Variants in PCTP observed in about 807,000 individuals in gnomAD.
PCTP encodes the protein phosphatidylcholine transfer protein, also known as START domain-containing protein 2.
A neutral mutation model predicts 31.0 loss-of-function variants in PCTP; 27 were observed. That is an observed-to-expected ratio of 0.87 (90% confidence interval 0.64 to 1.20). The LOEUF is 1.20. PCTP is among the 50% of genes most tolerant of loss of function. PCTP has a pLI of 0.00. For missense variants in PCTP, 287 were observed against 268.2 expected (o/e 1.07, Z -0.49); for synonymous variants, 108 against 101.2 (o/e 1.07, Z -0.40).
At chr17:55,786,918 T>G (rs1911767726) in intron 2 of PCTP, among the ~76,000 whole-genome samples, 1 of 152,108 alleles carries the variant, frequency 6.6e-6, no homozygotes, top group Non-Finnish European at 1.5e-5. Context: ...AATTACCCCA[T>G]CTTTCTGTCT....
intron 1 of PCTP, 73 bp downstream of exon 1, chr17:55,751,317 G>A (rs111819298): frequency 0.058 from 87,512 of 1,516,208 alleles, 2,677 homozygotes; most frequent in Admixed American, 0.068. Context: ...GGGAGTGCGG[G>A]GCGGCAGTCG....
chr17:55,758,618 A>C lies in PCTP; in HGVS notation c.141+7374A>C, dbSNP rs1327407947. Among the ~76,000 whole-genome samples, 3 of 152,296 alleles carry C rather than the reference A, an allele frequency of 2.0e-5. No homozygotes were observed. In the East Asian group the frequency reaches 5.8e-4, roughly 29 times the overall value. On this transcript the variant is annotated intron_variant, in intron 1 of 5. Coordinates refer to ENST00000268896, the MANE Select transcript of PCTP (RefSeq NM_021213.4). ...AATCATTCTTGAGCCCTGGTCACTTATGGAGCTGAAATTTACTTGTGGGCA... is the reference window on the plus strand; with the variant it reads ...AATCATTCTTGAGCCCTGGTCACTTCTGGAGCTGAAATTTACTTGTGGGCA...
At chr17:55,814,537 C>A (rs1457907021) in intron 3 of PCTP, among the ~76,000 whole-genome samples, 1 of 152,224 alleles carries the variant, frequency 6.6e-6, no homozygotes, top group Non-Finnish European at 1.5e-5. Context: ...CTTCACATAC[C>A]TTTGGATTTG....
the PCTP span, among the ~76,000 whole-genome samples, chr17:55,850,103 C>A: frequency 2.0e-5 from 3 of 152,070 alleles, no homozygotes; most frequent in Non-Finnish European, 2.9e-5. Context: ...CCAATTTGGT[C>A]ATAAAATGTA....
At chr17:55,822,483 A>G (rs1913147556) in intron 3 of PCTP, among the ~76,000 whole-genome samples, 2 of 152,200 alleles carry the variant, frequency 1.3e-5, no homozygotes, top group Non-Finnish European at 2.9e-5. Context: ...AAATGGCACA[A>G]TGGTACCCTT....
intron 3 of PCTP, among the ~76,000 whole-genome samples, chr17:55,788,311 C>T (rs756546781): frequency 2.7e-4 from 41 of 152,142 alleles, no homozygotes; most frequent in Admixed American, 1.2e-3. Context: ...ACTGACAAGC[C>T]TCTGATATAT....
downstream of PCTP, among the ~76,000 whole-genome samples, chr17:55,781,720 G>A (rs1911571005): frequency 6.6e-6 from 1 of 151,404 alleles, no homozygotes; most frequent in Non-Finnish European, 1.5e-5. Context: ...ACATACCATT[G>A]AGTACTGAAT....
chr17:55,839,581 TG>T (rs1442010530), intron 5 of PCTP, among the ~76,000 whole-genome samples: 1 of 152,142 alleles, frequency 6.6e-6, no homozygotes, highest in Non-Finnish European at 1.5e-5. Context: ...TGGAGCTAAC[TG>T]GGGTGCAGGA....
chr17:55,751,457 G>T (rs1383925702), intron 1 of PCTP: 8 of 1,532,732 alleles, frequency 5.2e-6, no homozygotes, highest in Non-Finnish European at 6.1e-6. Context: ...GAGTTGGAAG[G>T]TCACAGGAGT....
intron 3 of PCTP, among the ~76,000 whole-genome samples, chr17:55,820,049 G>C (rs1414801031): frequency 1.3e-5 from 2 of 152,262 alleles, no homozygotes; most frequent in East Asian, 1.9e-4. Context: ...AAATGTAGGA[G>C]CTAAAGCTAT....
intron 2 of PCTP, 93 bp downstream of exon 2, chr17:55,767,545 A>G (rs1187306811): frequency 1.3e-6 from 1 of 773,822 alleles, no homozygotes; most frequent in African/African-American, 1.8e-5. Flanking sequence ...GCTCACCGCA[A>G]TCTCCGCCTC....
At chr17:55,781,473 A>G (rs1022031423), downstream of PCTP, among the ~76,000 whole-genome samples, 2 of 152,240 alleles carry the variant, frequency 1.3e-5, no homozygotes, top group Non-Finnish European at 2.9e-5. Context: ...TCTATGAATC[A>G]CCTTTGATAG....
At position 55,767,394 on chromosome 17, in the gene PCTP, A is replaced by C; in HGVS notation, c.201A>C (p.Leu67=). Residue 67 remains leucine (L), a synonymous_variant, in exon 2 of 6, where the codon CTA becomes CTC. Transcript: ENST00000268896. ...TTCTGGAGGACTGCTCACCAACTCTACTGGCAGACATCTATATGGACTCAG... is the reference window on the plus strand; with the variant it reads ...TTCTGGAGGACTGCTCACCAACTCTCCTGGCAGACATCTATATGGACTCAG... ...FGVLEDCSPT[L]LADIYMDSDY... 1 of 1,613,554 alleles carries C rather than the reference A, an allele frequency of 6.2e-7. No homozygotes were observed. Among genetic ancestry groups the C allele is most frequent in the South Asian group, 1.1e-5 (1 of 91,062 alleles).
downstream of PCTP, among the ~76,000 whole-genome samples, chr17:55,845,386 G>T (rs1230393763): frequency 6.6e-6 from 1 of 152,122 alleles, no homozygotes; most frequent in Non-Finnish European, 1.5e-5. Context: ...TCTCCGTGGT[G>T]CAGCCAGGCC....
chr17:55,785,691 T>G (rs1911724814), intron 2 of PCTP, among the ~76,000 whole-genome samples: 2 of 152,196 alleles, frequency 1.3e-5, no homozygotes, highest in Non-Finnish European at 2.9e-5. Context: ...TATCACAGAT[T>G]TATTTGTTAG....
chr17:55,781,616 CAAAAT>C (rs944568248), downstream of PCTP, among the ~76,000 whole-genome samples: 1 of 151,720 alleles, frequency 6.6e-6, no homozygotes, highest in African/African-American at 2.4e-5. Context: ...AACAAATAAA[CAAAAT>C]AAACTAAAAA....
At chr17:55,837,990 A>G (rs1294201638) in intron 5 of PCTP, among the ~76,000 whole-genome samples, 1 of 152,104 alleles carries the variant, frequency 6.6e-6, no homozygotes, top group Non-Finnish European at 1.5e-5. Flanking sequence ...AAAAAAATAA[A>G]AAATAGCAGG....
intron 3 of PCTP, among the ~76,000 whole-genome samples, chr17:55,819,830 A>G (rs1327834098): frequency 6.6e-6 from 1 of 152,232 alleles, no homozygotes; most frequent in Non-Finnish European, 1.5e-5. Flanking sequence ...TATATAAATC[A>G]ATAGAATAGA....
intron 1 of PCTP, among the ~76,000 whole-genome samples, chr17:55,763,761 T>C (rs905275069): frequency 3.3e-5 from 5 of 152,224 alleles, no homozygotes; most frequent in Admixed American, 3.3e-4. Flanking sequence ...TATAAACTTT[T>C]TAATTATAAA....
Sources: allele counts gnomAD v4.1 joint callset (sites outside exome capture counted in the v4.1 genomes callset), GRCh38; gene constraint gnomAD v4.1.1; transcripts MANE v1.5; gene names NCBI Gene and HGNC (gene_info 2026-07-23, HGNC 2026-07-21).